Variants in NBAS observed in about 807,000 individuals in gnomAD.
NBAS encodes NAG/BC035112 fusion.
Under a neutral mutation model 302.5 loss-of-function variants are expected in NBAS, and 219 were observed. That is an observed-to-expected ratio of 0.72 (90% CI 0.65 to 0.81). The LOEUF (loss-of-function observed/expected upper bound fraction) is 0.81. Ranked by LOEUF, NBAS falls within the 30% of genes least tolerant of loss-of-function variation. The pLI is 0.00. For missense variants in NBAS, 2,932 were observed against 2,841.6 expected (o/e 1.03, Z -0.72); for synonymous variants, 1,118 against 1,021.6 (o/e 1.09, Z -1.80).
intron 21 of NBAS, among the ~76,000 whole-genome samples, chr2:15,428,502 G>T (rs1677589960): frequency 6.6e-6 from 1 of 152,110 alleles, no homozygotes. Flanking sequence ...AGCCAAGGAG[G>T]GAGGACTGCT....
chr2:15,354,769 G>T (rs1673531759), intron 33 of NBAS, among the ~76,000 whole-genome samples: 1 of 152,186 alleles, frequency 6.6e-6, no homozygotes, highest in East Asian at 1.9e-4. Flanking sequence ...CCCCAGCCTT[G>T]CTAGGCTGCA....
Position 15,218,831 on chromosome 2 carries a change from T to C in NBAS, c.6374A>G (p.Lys2125Arg). The change falls in exon 48 of 52, where the codon AAG (lysine) becomes AGG (arginine). Residue 2125 changes from lysine to arginine, a missense_variant. Physicochemically the swap from Lys to Arg is conservative, Grantham distance 26. Transcript: ENST00000281513. ...TTCAGTTCTAAAGAACACGAGGAGC[T>C]TGCTGTCCTCCTCAGTCAGGTGAAA... ...QSFHLTEEDS[K>R]LLVFFRTEAI... 1 of 1,614,246 alleles carries C rather than the reference T, an allele frequency of 6.2e-7. No homozygotes were observed. Among genetic ancestry groups the C allele is most frequent in the South Asian group, 1.1e-5 (1 of 91,086 alleles).
the NBAS span, among the ~76,000 whole-genome samples, chr2:15,125,160 C>T: frequency 1.8e-4 from 27 of 152,132 alleles, no homozygotes; most frequent in Non-Finnish European, 1.0e-4. Flanking sequence ...GCCTTGGGAG[C>T]CCACCTGTAT....
At chr2:14,826,093 G>A in the NBAS span, among the ~76,000 whole-genome samples, 4 of 152,072 alleles carry the variant, frequency 2.6e-5, no homozygotes, top group African/African-American at 9.7e-5. Context: ...AAATGAGGAG[G>A]GTGTAATTTG....
intron 47 of NBAS, among the ~76,000 whole-genome samples, chr2:15,223,974 G>A (rs186926157): frequency 2.1e-4 from 32 of 152,206 alleles, no homozygotes; most frequent in Non-Finnish European, 7.4e-5. Context: ...AATTTAGTAC[G>A]CTATTTTTAA....
At chr2:15,150,364 A>G in the NBAS span, among the ~76,000 whole-genome samples, 10 of 152,146 alleles carry the variant, frequency 6.6e-5, no homozygotes, top group Non-Finnish European at 1.5e-4. Context: ...GCTTTGGTAG[A>G]TTTTCATGCT....
At chr2:15,531,525 T>C (rs1404061638) in intron 9 of NBAS, among the ~76,000 whole-genome samples, 1 of 152,154 alleles carries the variant, frequency 6.6e-6, no homozygotes, top group African/African-American at 2.4e-5. Context: ...TTTCAAAACG[T>C]GGCAAATTAA....
chr2:15,370,102 C>T (rs1347581691), intron 31 of NBAS, among the ~76,000 whole-genome samples: 1 of 152,224 alleles, frequency 6.6e-6, no homozygotes, highest in African/African-American at 2.4e-5. Flanking sequence ...GAATCTTTTG[C>T]TCTCACATCT....
chr2:14,788,265 G>A, the NBAS span, among the ~76,000 whole-genome samples: 1 of 152,078 alleles, frequency 6.6e-6, no homozygotes, highest in African/African-American at 2.4e-5. Context: ...CCTTTGGTTT[G>A]AATTTCCCCC....
In NBAS at chr2:15,356,336, C is replaced by T. The variant is rs776508998; in HGVS notation, c.3898G>A (p.Ala1300Thr). The change falls in exon 33 of 52, where the codon GCC becomes ACC. Residue 1300 changes from alanine (A) to threonine (T), a missense_variant. Transcript: ENST00000281513. ...QALRFHDYKA[A>T]SMHCQELMAT... ...ATCAGCTCCTGACAATGCATACTGG[C>T]TGCTTTGTAGTCATGGAAGCGAAGT... The T allele has an allele frequency of 5.6e-6, 9 of 1,613,816 alleles. No homozygotes were observed. The East Asian group carries it at 1.6e-4, about 28-fold the overall frequency.
chr2:15,199,743 G>A (rs1419908056), intron 48 of NBAS, among the ~76,000 whole-genome samples: 1 of 152,048 alleles, frequency 6.6e-6, no homozygotes, highest in African/African-American at 2.4e-5. Flanking sequence ...ATAGGACAGA[G>A]ATAACAAATA....
Position 15,336,485 on chromosome 2 carries a change from G to A in NBAS, c.4180-5720C>T, listed in dbSNP as rs184706396. 7.5e-3 allele frequency among the ~76,000 whole-genome samples: 1,142 copies of A among 152,258 alleles called. 20 individuals carry two copies. The highest frequency in any genetic ancestry group is 0.022 in the South Asian group (108 of 4,826). On this transcript the variant is annotated intron_variant, in intron 35 of 51. Transcript: ENST00000281513. ...GCGGTGGCTCACGCCTGTAATCCCA[G>A]CACTTTGGGAGGCTGAGGTGGGCAG...
intron 12 of NBAS, among the ~76,000 whole-genome samples, chr2:15,480,691 G>A (rs1253948963): frequency 1.3e-5 from 2 of 152,050 alleles, no homozygotes; most frequent in Non-Finnish European, 2.9e-5. Flanking sequence ...ACAGAGTCAG[G>A]AAAATACAAA....
downstream of NBAS, among the ~76,000 whole-genome samples, chr2:15,164,208 T>C (rs1233754753): frequency 2.0e-5 from 3 of 152,212 alleles, no homozygotes; most frequent in Non-Finnish European, 2.9e-5. Context: ...CCCTCGGCCA[T>C]GATATTATCA....
Position 15,474,219 on chromosome 2 carries a change from C to A in NBAS, c.1447G>T (p.Ala483Ser), listed in dbSNP as rs374972400. 3.1e-6 allele frequency: 5 copies of A among 1,613,906 alleles called. No homozygotes were observed. The highest frequency in any genetic ancestry group is 1.1e-5 in the South Asian group (1 of 91,072). The stretch of plus-strand genomic sequence containing the variant: ...TGTTTTATATAACCAAAGTAGCGAG[C>A]CTTGGCAGATATTTCATAATCAGAA... ...SDSDYEISAK[A>S]RYFGYIKQGL... is the part of the protein sequence containing the mutation. The change falls in exon 15 of 52, where the codon GCT becomes TCT. Residue 483 changes from alanine to serine, a missense_variant. Coordinates refer to ENST00000281513, the MANE Select transcript of NBAS (RefSeq NM_015909.4).
intron 8 of NBAS, 127 bp from the exon 9 acceptor site, chr2:15,534,768 C>A (rs553499407): frequency 5.2e-6 from 4 of 763,796 alleles, no homozygotes; most frequent in African/African-American, 1.7e-5. Context: ...TATAAAACAA[C>A]CAGAACTCGA....
At chr2:14,871,259 C>T in the NBAS span, among the ~76,000 whole-genome samples, 1 of 150,994 alleles carries the variant, frequency 6.6e-6, no homozygotes, top group South Asian at 2.1e-4. Context: ...ATATGGCAAA[C>T]GAAATGACAC....
chr2:14,801,864 G>A, the NBAS span, among the ~76,000 whole-genome samples: 1 of 150,788 alleles, frequency 6.6e-6, no homozygotes, highest in South Asian at 2.1e-4. Context: ...CTTTTTGATG[G>A]GGTTGTTTGT....
At chr2:15,413,639 G>A (rs1299994171) in intron 25 of NBAS, among the ~76,000 whole-genome samples, 1 of 152,182 alleles carries the variant, frequency 6.6e-6, no homozygotes. Context: ...CCTAGTGCAT[G>A]CATGGAGAGA....
Sources: gnomAD v4.1 joint callset for allele counts (sites outside exome capture counted in the v4.1 genomes callset) on GRCh38, gnomAD v4.1.1 for gene constraint, MANE v1.5 for transcripts, NCBI Gene and HGNC (gene_info 2026-07-23, HGNC 2026-07-21) for gene names.